Variants in FGGY observed in about 807,000 individuals in gnomAD.
FGGY encodes the protein FGGY carbohydrate kinase domain containing, also known as FGGY carbohydrate kinase domain-containing protein.
FGGY carries 72 observed loss-of-function variants against 71.3 expected under a neutral mutation model. That is an observed-to-expected ratio of 1.01 (90% CI 0.84 to 1.23). The LOEUF is 1.23. FGGY is among the 50% of genes most tolerant of loss of function. FGGY has a pLI of 0.00. For missense variants in FGGY, 668 were observed against 682.3 expected, an observed-to-expected ratio of 0.98 and a Z score of 0.23; for synonymous variants, 251 against 250.3, an observed-to-expected ratio of 1.00 and a Z score of -0.02.
At chr1:59,372,496 A>G (rs1411866152) in intron 4 of FGGY, among the ~76,000 whole-genome samples, 4 of 152,212 alleles carry the variant, frequency 2.6e-5, no homozygotes, top group Non-Finnish European at 5.9e-5. Flanking sequence ...AGGAGCTGGT[A>G]CCATTCCTTC....
intron 14 of FGGY, among the ~76,000 whole-genome samples, chr1:59,690,734 G>A (rs182340981): frequency 4.5e-4 from 69 of 152,334 alleles, no homozygotes; most frequent in African/African-American, 1.6e-3. Context: ...GGCTAAGAAG[G>A]CAGCCACCTG....
chr1:59,739,679 T>G (rs1230872593), intron 14 of FGGY, among the ~76,000 whole-genome samples: 1 of 151,856 alleles, frequency 6.6e-6, no homozygotes, highest in East Asian at 1.9e-4. Context: ...GTTTTCAGAA[T>G]TTTTTTTTCA....
At chr1:59,464,161 C>G (rs780534748) in intron 6 of FGGY, among the ~76,000 whole-genome samples, 25 of 152,354 alleles carry the variant, frequency 1.6e-4, no homozygotes, top group Admixed American at 4.6e-4. Flanking sequence ...TCACAACAAA[C>G]TGTCTTTCAG....
At chr1:59,553,902 A>G (rs2095646086) in intron 7 of FGGY, 1 of 412,334 alleles carries the variant, frequency 2.4e-6, no homozygotes, top group East Asian at 3.5e-5. Flanking sequence ...GTTGGGTGCC[A>G]TACATTGACC....
chr1:59,464,003 C>T (rs1486098671), intron 6 of FGGY, among the ~76,000 whole-genome samples: 1 of 152,184 alleles, frequency 6.6e-6, no homozygotes, highest in East Asian at 1.9e-4. Context: ...TTCAGCTCTG[C>T]ACCAGGCAGA....
rs145585920 is a variant in FGGY, at chr1:59,525,198, G to C, written c.799+12759G>C. Reference sequence around the variant, plus strand: ...CCTCCCCTGCCACAGCAGCTTGCTTGTCTGGTTGTGTGCAGTGGCCGGACT... The same window carrying C: ...CCTCCCCTGCCACAGCAGCTTGCTTCTCTGGTTGTGTGCAGTGGCCGGACT... On this transcript the variant is annotated intron_variant, in intron 7 of 15. Transcript: ENST00000303721. Among the ~76,000 whole-genome samples the C allele has an allele frequency of 2.6e-3, 391 of 152,348 alleles. 2 individuals are homozygous for C. The highest frequency in any genetic ancestry group is 4.8e-3 in the Non-Finnish European group (324 of 68,020).
At chr1:59,622,621 A>G (rs1316307094) in intron 9 of FGGY, among the ~76,000 whole-genome samples, 1 of 152,152 alleles carries the variant, frequency 6.6e-6, no homozygotes, top group Non-Finnish European at 1.5e-5. Context: ...TAGCATTTAT[A>G]GGCACAGTGT....
intron 7 of FGGY, among the ~76,000 whole-genome samples, chr1:59,518,338 G>A (rs911733899): frequency 9.9e-5 from 15 of 152,274 alleles, no homozygotes; most frequent in East Asian, 7.7e-4. Context: ...TAAAGCCTGC[G>A]ACTTTAGATA....
At chr1:59,326,316 A>G (rs1049622163) in intron 2 of FGGY, among the ~76,000 whole-genome samples, 8 of 152,204 alleles carry the variant, frequency 5.3e-5, no homozygotes, top group African/African-American at 1.7e-4. Flanking sequence ...GTAAAGTACC[A>G]TTTTGTTCTG....
intron 5 of FGGY, among the ~76,000 whole-genome samples, chr1:59,428,720 A>G (rs2066814465): frequency 6.6e-6 from 1 of 152,192 alleles, no homozygotes; most frequent in African/African-American, 2.4e-5. Flanking sequence ...CACTCAGTAC[A>G]TGTTCATATT....
At chr1:59,448,575 C>G (rs2071880693) in intron 5 of FGGY, among the ~76,000 whole-genome samples, 1 of 152,108 alleles carries the variant, frequency 6.6e-6, no homozygotes, top group Non-Finnish European at 1.5e-5. Context: ...ATAATAGAAG[C>G]CATTAAAAAA....
At position 59,762,696 on chromosome 1, in the gene FGGY, C is replaced by A; in HGVS notation, c.*112C>A. ...TATTGTTTCATCATTTCTGTATTGTCTTTCAATAAAGAAAACAAACATGTG... is the reference window on the plus strand; with the variant it reads ...TATTGTTTCATCATTTCTGTATTGTATTTCAATAAAGAAAACAAACATGTG... On this transcript the variant is annotated 3_prime_UTR_variant, in exon 16 of 16. Transcript: ENST00000303721. 1 of 759,238 alleles carries A rather than the reference C, an allele frequency of 1.3e-6. No individual in the cohort carries two copies. The highest frequency in any genetic ancestry group is 2.2e-6 in the Non-Finnish European group (1 of 461,524). 47.0% of individuals were successfully genotyped at this position (759,238 alleles called of 1,614,324 possible).
intron 8 of FGGY, among the ~76,000 whole-genome samples, chr1:59,573,325 TAA>T (rs1173745132): frequency 2.0e-5 from 3 of 152,176 alleles, no homozygotes; most frequent in African/African-American, 7.2e-5. Context: ...TATGGATATA[TAA>T]GAGAATATCC....
At position 59,316,552 on chromosome 1, in the gene FGGY, A is replaced by G. The variant is rs115121391; in HGVS notation, c.-14-4984A>G. On this transcript the variant is annotated intron_variant, in intron 1 of 15. Transcript: ENST00000303721. ...TCCCCTTTTCCTTTTTTCACACTGC[A>G]TTTGAGCAGTTTGCACATTTGTTGA... 2.8e-3 allele frequency among the ~76,000 whole-genome samples: 431 copies of G among 152,186 alleles called. 4 individuals are homozygous for G. Among genetic ancestry groups the G allele is most frequent in the African/African-American group, 9.5e-3 (394 of 41,508 alleles).
At chr1:59,450,519 C>G (rs72913787) in intron 5 of FGGY, among the ~76,000 whole-genome samples, 3,023 of 152,180 alleles carry the variant, frequency 0.02, 109 homozygotes, top group African/African-American at 0.07. Flanking sequence ...CTCCCTCCTC[C>G]TATATGAGTA....
Position 59,521,882 on chromosome 1 carries a change from G to A in FGGY, c.799+9443G>A, listed in dbSNP as rs190383137. ...CAGCTTCACTGGTGGTTATTAAATA[G>A]GTAATTTAGTTTTCCTGAGCCACAC... On this transcript the variant is annotated intron_variant, in intron 7 of 15. Coordinates refer to ENST00000303721, the MANE Select transcript of FGGY (RefSeq NM_018291.5). 2.0e-3 allele frequency among the ~76,000 whole-genome samples: 298 copies of A among 152,288 alleles called. 1 individual carries two copies. Among genetic ancestry groups the A allele is most frequent in the Non-Finnish European group, 3.4e-3 (234 of 68,022 alleles).
chr1:59,379,288 A>G (rs1245670488), intron 5 of FGGY, among the ~76,000 whole-genome samples: 1 of 152,126 alleles, frequency 6.6e-6, no homozygotes, highest in African/African-American at 2.4e-5. Flanking sequence ...ATACTTTCAC[A>G]AATCTAGATA....
intron 8 of FGGY, among the ~76,000 whole-genome samples, chr1:59,574,003 T>C (rs1181551531): frequency 1.3e-5 from 2 of 152,208 alleles, no homozygotes; most frequent in Admixed American, 6.5e-5. Context: ...TCTGTGTATG[T>C]ATGTTTGTGG....
intron 4 of FGGY, among the ~76,000 whole-genome samples, chr1:59,347,169 G>A (rs568137722): frequency 0.024 from 3,637 of 148,952 alleles, 174 homozygotes; most frequent in African/African-American, 0.086. Context: ...ATATGTATAC[G>A]TGTGCCATGT....
Sources: allele counts gnomAD v4.1 joint callset (sites outside exome capture counted in the v4.1 genomes callset), GRCh38; gene constraint gnomAD v4.1.1; transcripts MANE v1.5; gene names NCBI Gene and HGNC (gene_info 2026-07-23, HGNC 2026-07-21).